AASS: variants seen among roughly 807,000 people sequenced by gnomAD.
The protein encoded by AASS is alpha-aminoadipic semialdehyde synthase, mitochondrial.
AASS carries 86 observed loss-of-function variants against 105.4 expected under a neutral mutation model. The observed-to-expected ratio is 0.82, with a 90% CI of 0.69 to 0.98. The LOEUF is 0.98. Among genes scored for constraint, AASS ranks in the 50% least tolerant of loss-of-function variants. The pLI is 0.00. For missense variants in AASS, 1,048 were observed against 1,143.2 expected, an observed-to-expected ratio of 0.92 and a Z score of 1.20; for synonymous variants, 381 against 394.8, an observed-to-expected ratio of 0.96 and a Z score of 0.41.
At chr7:122,102,067 T>C (rs1794457894) in intron 11 of AASS, among the ~76,000 whole-genome samples, 1 of 151,900 alleles carries the variant, frequency 6.6e-6, no homozygotes, top group East Asian at 1.9e-4. Flanking sequence ...TTCAAGCTGT[T>C]CTATTAGGAA....
In AASS at chr7:122,074,842, G is replaced by A. The variant is rs931669093; in HGVS notation, c.*1647C>T. On this transcript the variant is annotated 3_prime_UTR_variant, in exon 24 of 24. Coordinates refer to ENST00000417368, the MANE Select transcript of AASS (RefSeq NM_005763.4). ...ATATTGGTATTTTACTCTTTCTGAT[G>A]CTGTCAATTTTTTTCTTTTCTTTTT... 1.3e-5 allele frequency among the ~76,000 whole-genome samples: 2 copies of A among 151,730 alleles called. No individual in the cohort carries two copies. The highest frequency in any genetic ancestry group is 4.8e-5 in the African/African-American group (2 of 41,344).
intron 11 of AASS, among the ~76,000 whole-genome samples, chr7:122,103,910 C>T (rs897738556): frequency 6.6e-6 from 1 of 151,876 alleles, no homozygotes; most frequent in East Asian, 1.9e-4. Context: ...AACTATAAGA[C>T]ATTTTATGTA....
At chr7:122,107,369 C>T (rs1794714171) in intron 11 of AASS, among the ~76,000 whole-genome samples, 1 of 152,090 alleles carries the variant, frequency 6.6e-6, no homozygotes, top group Admixed American at 6.6e-5. Flanking sequence ...CTCTTCAACC[C>T]AGCAATCCAT....
chr7:122,107,300 C>T (rs1794711216), intron 11 of AASS, among the ~76,000 whole-genome samples: 2 of 152,048 alleles, frequency 1.3e-5, no homozygotes, highest in South Asian at 2.1e-4. Flanking sequence ...GAGTAAAAAT[C>T]AGTTCAACCA....
At chr7:122,129,801 T>C (rs1413304554) in intron 2 of AASS, among the ~76,000 whole-genome samples, 5 of 152,164 alleles carry the variant, frequency 3.3e-5, no homozygotes, top group Non-Finnish European at 7.4e-5. Flanking sequence ...TATAATTTGG[T>C]CATATGCACT....
In AASS at chr7:122,118,645, G is replaced by A; in HGVS notation, c.473-15C>T. 1 of 1,612,422 alleles carries A rather than the reference G, an allele frequency of 6.2e-7. No individual in the cohort carries two copies. The highest frequency in any genetic ancestry group is 1.1e-5 in the South Asian group (1 of 90,934). On this transcript the variant is annotated splice_polypyrimidine_tract_variant and intron_variant, in intron 4 of 23. Transcript: ENST00000417368. ...GTTGATCATTCCTGTTACAGAATCA[G>A]ACCAATAGAAAGACTATTAGTTGGG...
chr7:122,096,399 G>A (rs575931693), intron 15 of AASS, among the ~76,000 whole-genome samples: 55 of 152,182 alleles, frequency 3.6e-4, no homozygotes, highest in African/African-American at 1.3e-3. Context: ...TTGAGAGGCT[G>A]AGGCAAGTAG....
intron 3 of AASS, among the ~76,000 whole-genome samples, chr7:122,127,282 A>T (rs1795702086): frequency 6.6e-6 from 1 of 152,146 alleles, no homozygotes; most frequent in Non-Finnish European, 1.5e-5. Flanking sequence ...AAGCATTAGT[A>T]ATTCATGCTT....
chr7:122,098,981 C>A, intron 13 of AASS, 115 bp from the exon 14 acceptor site: 3 of 1,120,864 alleles, frequency 2.7e-6, no homozygotes, highest in Non-Finnish European at 2.4e-6. Context: ...AATGAAGCAA[C>A]ATTTTCTCTT....
intron 1 of AASS, 24 bp from the exon 2 acceptor site, chr7:122,133,765 G>A: frequency 6.2e-7 from 1 of 1,603,944 alleles, no homozygotes; most frequent in Non-Finnish European, 8.5e-7. Context: ...GTAAAGAGCA[G>A]AGCAACAAAA....
In AASS at chr7:122,101,697, A is replaced by G. The variant is rs113833993; in HGVS notation, c.1279-17T>C. Reference sequence around the variant, plus strand: ...TGATAATATCTGAAAGGAAAATGAGATTTGTAAGAGATAAATGACACTGCA... The same window carrying G: ...TGATAATATCTGAAAGGAAAATGAGGTTTGTAAGAGATAAATGACACTGCA... On this transcript the variant is annotated splice_polypyrimidine_tract_variant and intron_variant, in intron 11 of 23. Transcript: ENST00000417368. 6.2e-7 allele frequency: 1 copy of G among 1,602,134 alleles called. No individual in the cohort carries two copies. The highest frequency in any genetic ancestry group is 8.5e-7 in the Non-Finnish European group (1 of 1,169,932).
At chr7:122,140,555 G>A (rs1796348058) in intron 1 of AASS, among the ~76,000 whole-genome samples, 2 of 149,086 alleles carry the variant, frequency 1.3e-5, no homozygotes, top group South Asian at 4.3e-4. Flanking sequence ...CTTCTTTTGG[G>A]ATATGTATGA....
chr7:122,143,190 C>CA (rs1796480399), intron 1 of AASS, among the ~76,000 whole-genome samples: 1 of 152,116 alleles, frequency 6.6e-6, no homozygotes, highest in Admixed American at 6.5e-5. Flanking sequence ...GCCGCAGCTT[C>CA]AGTCAAGGAC....
chr7:122,078,831 A>C (rs1456186370), intron 22 of AASS, 31 bp downstream of exon 22: 1 of 1,572,668 alleles, frequency 6.4e-7, no homozygotes. Flanking sequence ...ATTCTTCTTT[A>C]GGTATATTTA....
chr7:122,093,447 G>A (rs1794001418), intron 15 of AASS, among the ~76,000 whole-genome samples: 2 of 152,100 alleles, frequency 1.3e-5, no homozygotes, highest in African/African-American at 2.4e-5. Context: ...AAAGACACAG[G>A]CACTCACATA....
At chr7:122,126,826 A>T (rs1401908884) in intron 3 of AASS, among the ~76,000 whole-genome samples, 1 of 152,050 alleles carries the variant, frequency 6.6e-6, no homozygotes, top group African/African-American at 2.4e-5. Flanking sequence ...AATAAAACAG[A>T]TCCATTTTGA....
chr7:122,086,239 T>C, intron 18 of AASS, 60 bp from the exon 19 acceptor site: 25 of 1,525,610 alleles, frequency 1.6e-5, no homozygotes, highest in Non-Finnish European at 2.1e-5. Context: ...TTAGGGCTTA[T>C]CTGCATTATA....
chr7:122,128,030 T>C (rs939435598), intron 3 of AASS, among the ~76,000 whole-genome samples: 1 of 152,222 alleles, frequency 6.6e-6, no homozygotes, highest in Non-Finnish European at 1.5e-5. Context: ...CCATGACAAT[T>C]GCTTCAAGTA....
intron 11 of AASS, among the ~76,000 whole-genome samples, chr7:122,106,111 G>T (rs1794652914): frequency 6.6e-6 from 1 of 151,948 alleles, no homozygotes; most frequent in Admixed American, 6.6e-5. Context: ...TTAATTTTTG[G>T]GCTAAGACTA....
Sources: gnomAD v4.1 joint callset for allele counts (sites outside exome capture counted in the v4.1 genomes callset) on GRCh38, gnomAD v4.1.1 for gene constraint, MANE v1.5 for transcripts, NCBI Gene and HGNC (gene_info 2026-07-23, HGNC 2026-07-21) for gene names.